GRIN3A: variants seen among roughly 807,000 people sequenced by gnomAD.
The protein encoded by GRIN3A is glutamate ionotropic receptor NMDA type subunit 3A.
A neutral mutation model predicts 92.4 loss-of-function variants in GRIN3A; 47 were observed. That is an observed-to-expected ratio of 0.51 (90% confidence interval 0.40 to 0.65). The LOEUF is 0.65. Ranked by LOEUF, GRIN3A falls within the 30% of genes least tolerant of loss-of-function variation. The pLI is 0.00. For synonymous variants in GRIN3A, 527 were observed against 540.6 expected (o/e 0.97, Z 0.35); for missense variants, 1,324 against 1,393.1 (o/e 0.95, Z 0.79).
Position 101,579,123 on chromosome 9 carries a change from G to A in GRIN3A, c.2931+73C>T, listed in dbSNP as rs934247475. The A allele has an allele frequency of 2.0e-6, 3 of 1,495,044 alleles. No individual in the cohort carries two copies. In the African/African-American group the frequency reaches 4.1e-5, roughly 21 times the overall value. 92.6% of individuals were successfully genotyped at this position (1,495,044 alleles called of 1,614,324 possible). A position where few individuals can be genotyped will look rare whatever the true frequency, so the allele number is the denominator to read the frequency against. Reference sequence around the variant, plus strand: ...TAACATAACTTAGTAGTCTGACATAGGGCTCTGGATCCTCCCATCCCTAGG... The same window carrying A: ...TAACATAACTTAGTAGTCTGACATAAGGCTCTGGATCCTCCCATCCCTAGG... On this transcript the variant is annotated intron_variant, in intron 7 of 8. Coordinates refer to ENST00000361820, the MANE Select transcript of GRIN3A (RefSeq NM_133445.3).
At chr9:101,627,380 T>C (rs920961009) in intron 4 of GRIN3A, among the ~76,000 whole-genome samples, 1 of 152,238 alleles carries the variant, frequency 6.6e-6, no homozygotes, top group Non-Finnish European at 1.5e-5. Context: ...TTATGTTCCA[T>C]GAAATTATTT....
At chr9:101,622,498 A>G (rs1006103723) in intron 5 of GRIN3A, among the ~76,000 whole-genome samples, 1 of 152,194 alleles carries the variant, frequency 6.6e-6, no homozygotes, top group Admixed American at 6.5e-5. Flanking sequence ...CGACAAAGCA[A>G]TCTTTCTTTG....
intron 1 of GRIN3A, among the ~76,000 whole-genome samples, chr9:101,736,451 A>G (rs545426742): frequency 7.5e-6 from 1 of 132,946 alleles, no homozygotes; most frequent in Admixed American, 7.1e-5. Context: ...CATTGAAAAT[A>G]TGTTTAGCTT....
chr9:101,736,796 T>C (rs1192021959), intron 1 of GRIN3A, among the ~76,000 whole-genome samples: 1 of 152,194 alleles, frequency 6.6e-6, no homozygotes, highest in African/African-American at 2.4e-5. Flanking sequence ...CAGGCACACC[T>C]TCTGAAGAAG....
chr9:101,656,757 A>G (rs1312633052), intron 3 of GRIN3A, among the ~76,000 whole-genome samples: 1 of 151,936 alleles, frequency 6.6e-6, no homozygotes, highest in Admixed American at 6.6e-5. Flanking sequence ...TCCCTAAGAT[A>G]GAACAGGATT....
At chr9:101,590,297 C>T (rs1007058988) in intron 6 of GRIN3A, among the ~76,000 whole-genome samples, 7 of 152,106 alleles carry the variant, frequency 4.6e-5, no homozygotes, top group South Asian at 2.1e-4. Flanking sequence ...CAGAGAAGTC[C>T]GGTCTGATTC....
chr9:101,709,281 A>G (rs956376046), intron 1 of GRIN3A, among the ~76,000 whole-genome samples: 8 of 152,220 alleles, frequency 5.3e-5, no homozygotes, highest in Non-Finnish European at 1.5e-5. Flanking sequence ...TTATTTATCT[A>G]TGTCACCAGC....
Position 101,596,208 on chromosome 9 carries a change from C to A in GRIN3A, c.2767-16848G>T, listed in dbSNP as rs111880004. ...CCATGCTGGAACTAGCAAAACTAAGCCACTGATCACCTTATCATTAAGTCT... is the reference window on the plus strand; with the variant it reads ...CCATGCTGGAACTAGCAAAACTAAGACACTGATCACCTTATCATTAAGTCT... On this transcript the variant is annotated intron_variant, in intron 6 of 8. Coordinates refer to ENST00000361820, the MANE Select transcript of GRIN3A (RefSeq NM_133445.3). Among the ~76,000 whole-genome samples the A allele has an allele frequency of 4.3e-4, 65 of 152,270 alleles. 2 individuals are homozygous for A. Among genetic ancestry groups the A allele is most frequent in the African/African-American group, 1.4e-3 (60 of 41,550 alleles).
In GRIN3A at chr9:101,570,686, T is replaced by G. The variant is rs1409428805; in HGVS notation, c.*2488A>C. ...TGAGGAGCGTGCATTGGTCATCTAC[T>G]TTGTGGATAGGCAGGGCGATCTGGC... On this transcript the variant is annotated 3_prime_UTR_variant, in exon 9 of 9. Transcript: ENST00000361820. The G allele has an allele frequency of 1.3e-5, 2 of 152,618 alleles. No homozygotes were observed. Among genetic ancestry groups the G allele is most frequent in the African/African-American group, 2.4e-5 (1 of 41,448 alleles). 9.5% of individuals were successfully genotyped at this position (152,618 alleles called of 1,614,324 possible). A position where few individuals can be genotyped will look rare whatever the true frequency, so the allele number is the denominator to read the frequency against.
intron 5 of GRIN3A, 107 bp downstream of exon 5, chr9:101,623,211 G>T: frequency 1.3e-6 from 1 of 771,110 alleles, no homozygotes; most frequent in East Asian, 2.5e-5. Flanking sequence ...ATGAAAACGA[G>T]GGAAGATGAA....
chr9:101,673,892 T>A (rs1011814498), intron 2 of GRIN3A, among the ~76,000 whole-genome samples: 5 of 152,020 alleles, frequency 3.3e-5, no homozygotes, highest in Admixed American at 3.3e-4. Flanking sequence ...CAGACCCGCA[T>A]AATGGGCATC....
chr9:101,737,772 C>T lies in GRIN3A; in HGVS notation c.208G>A (p.Asp70Asn), dbSNP rs1038159150. The T allele has an allele frequency of 6.5e-7, 1 of 1,528,686 alleles. No individual in the cohort carries two copies. The highest frequency in any genetic ancestry group is 2.5e-5 in the East Asian group (1 of 40,660). The allele number at this position is 1,528,686 out of a possible 1,614,324, so 94.7% of individuals were successfully genotyped here. Reference sequence around the variant, plus strand: ...CTCTGGGCTCCTGCTCGGCTGTCGTCCGGAGCGCGGCTGGCCGCGCGGGGG... The same window carrying T: ...CTCTGGGCTCCTGCTCGGCTGTCGTTCGGAGCGCGGCTGGCCGCGCGGGGG... ...TAPRAASRAP[D>N]DSRAGAQRDE... Residue 70 changes from aspartate to asparagine, a missense_variant, in exon 1 of 9, where the codon GAC becomes AAC. Asp to Asn is a conservative substitution (Grantham distance 23). Transcript: ENST00000361820.
At chr9:101,640,992 A>T (rs1461993377) in intron 3 of GRIN3A, among the ~76,000 whole-genome samples, 1 of 152,232 alleles carries the variant, frequency 6.6e-6, no homozygotes, top group African/African-American at 2.4e-5. Flanking sequence ...GTGGAGAAAT[A>T]GGCTAAGTGA....
At chr9:101,727,506 G>C (rs887459624) in intron 1 of GRIN3A, among the ~76,000 whole-genome samples, 4 of 152,130 alleles carry the variant, frequency 2.6e-5, no homozygotes, top group Non-Finnish European at 5.9e-5. Flanking sequence ...GAATGAAAGT[G>C]ACAGCAAATA....
At position 101,570,143 on chromosome 9, in the gene GRIN3A, A is replaced by C. The variant is rs953197249; in HGVS notation, c.*3031T>G. Reference sequence around the variant, plus strand: ...AGATTCCCCTTTCTCCTCCACCTGGAAGCATACACACTCTGGGGCCTTGAT... The same window carrying C: ...AGATTCCCCTTTCTCCTCCACCTGGCAGCATACACACTCTGGGGCCTTGAT... On this transcript the variant is annotated 3_prime_UTR_variant, in exon 9 of 9. Coordinates refer to ENST00000361820, the MANE Select transcript of GRIN3A (RefSeq NM_133445.3). 2 of 152,126 alleles carry C rather than the reference A, an allele frequency of 1.3e-5. No homozygotes were observed. Among genetic ancestry groups the C allele is most frequent in the African/African-American group, 4.8e-5 (2 of 41,416 alleles). 9.4% of individuals were successfully genotyped at this position (152,126 alleles called of 1,614,324 possible). A position where few individuals can be genotyped will look rare whatever the true frequency, so the allele number is the denominator to read the frequency against.
chr9:101,623,284 G>T, intron 5 of GRIN3A, 34 bp downstream of exon 5: 2 of 1,419,872 alleles, frequency 1.4e-6, no homozygotes, highest in South Asian at 1.1e-5. Context: ...AGCACATCCT[G>T]AGTAAAAGTG....
intron 1 of GRIN3A, among the ~76,000 whole-genome samples, chr9:101,718,106 G>C (rs539760100): frequency 6.6e-6 from 1 of 152,312 alleles, no homozygotes; most frequent in African/African-American, 2.4e-5. Flanking sequence ...AGTTACACTA[G>C]AATGAATGAA....
chr9:101,695,053 C>A (rs115248109), intron 1 of GRIN3A, among the ~76,000 whole-genome samples: 2 of 152,082 alleles, frequency 1.3e-5, no homozygotes, highest in African/African-American at 4.8e-5. Context: ...TCCTCTTTTG[C>A]GTAATGAAAA....
intron 1 of GRIN3A, among the ~76,000 whole-genome samples, chr9:101,707,834 G>T (rs1456540431): frequency 1.3e-5 from 2 of 152,118 alleles, no homozygotes; most frequent in Non-Finnish European, 2.9e-5. Context: ...TCCTGGGAAA[G>T]GCCATTGCTA....
Sources: gnomAD v4.1 joint callset for allele counts (sites outside exome capture counted in the v4.1 genomes callset) on GRCh38, gnomAD v4.1.1 for gene constraint, MANE v1.5 for transcripts, NCBI Gene and HGNC (gene_info 2026-07-23, HGNC 2026-07-21) for gene names.